Variants in SEC23IP observed in about 807,000 individuals in gnomAD.
The protein encoded by SEC23IP is SEC23 interacting protein.
Under a neutral mutation model 113.4 loss-of-function variants are expected in SEC23IP, and 70 were observed. The ratio of observed to expected loss-of-function variants is 0.62; its 90% CI spans 0.51 to 0.75. The LOEUF (loss-of-function observed/expected upper bound fraction) is 0.75. Ranked by LOEUF, SEC23IP falls within the 30% of genes least tolerant of loss-of-function variation. The probability of loss-of-function intolerance (pLI) is 0.00; values close to 1 mark genes in which losing one functional copy is unlikely to be tolerated. For synonymous variants in SEC23IP, 398 were observed against 421.0 expected, an observed-to-expected ratio of 0.95 and a Z score of 0.67; for missense variants, 1,160 against 1,204.9, an observed-to-expected ratio of 0.96 and a Z score of 0.55.
rs1252952185 is a variant in SEC23IP at position 119,898,844 on chromosome 10, C to T, written c.581C>T (p.Pro194Leu). 6 of 1,613,220 alleles carry T rather than the reference C, an allele frequency of 3.7e-6. No individual in the cohort carries two copies. The South Asian group carries it at 5.5e-5, about 15-fold the overall frequency. ...RHTPGSSRAN[P>L]YIAPPQLQQC... ...ACCCCTGGCAGCAGCAGGGCTAATC[C>T]TTACATTGCACCACCCCAGCTGCAG... The change falls in exon 2 of 19, where the codon CCT (proline) becomes CTT (leucine). Residue 194 changes from proline (P) to leucine (L), a missense_variant. Transcript: ENST00000369075.
chr10:119,932,857 C>T (rs1855652358), intron 16 of SEC23IP, 148 bp from the exon 17 acceptor site: 1 of 637,960 alleles, frequency 1.6e-6, no homozygotes, highest in Non-Finnish European at 2.6e-6. Context: ...CTTCCCCTGG[C>T]TCTTTGGAGG....
At chr10:119,940,121 T>C (rs1855917331) in intron 18 of SEC23IP, among the ~76,000 whole-genome samples, 1 of 152,156 alleles carries the variant, frequency 6.6e-6, no homozygotes, top group Non-Finnish European at 1.5e-5. Flanking sequence ...GAGGACTTGC[T>C]TACAGGCTGT....
At chr10:119,919,864 C>T (rs1855189752) in intron 11 of SEC23IP, among the ~76,000 whole-genome samples, 1 of 152,178 alleles carries the variant, frequency 6.6e-6, no homozygotes, top group African/African-American at 2.4e-5. Context: ...ACATTTGCAA[C>T]ACACATTATA....
intron 13 of SEC23IP, 132 bp downstream of exon 13, chr10:119,926,359 T>C: frequency 1.0e-6 from 1 of 957,370 alleles, no homozygotes. Context: ...GATTTTCTCT[T>C]AGTGAAAATT....
chr10:119,925,079 A>G (rs1855375929), intron 12 of SEC23IP, among the ~76,000 whole-genome samples: 1 of 152,194 alleles, frequency 6.6e-6, no homozygotes, highest in Admixed American at 6.5e-5. Context: ...GCTGAAATGC[A>G]TAGATCTTCA....
intron 18 of SEC23IP, among the ~76,000 whole-genome samples, chr10:119,937,359 C>T (rs1379077683): frequency 4.0e-5 from 6 of 151,844 alleles, no homozygotes; most frequent in Admixed American, 3.9e-4. Context: ...GGCATGATGG[C>T]TCACGCCTGT....
chr10:119,932,883 TG>T, intron 16 of SEC23IP, 121 bp from the exon 17 acceptor site: 1 of 782,258 alleles, frequency 1.3e-6, no homozygotes, highest in South Asian at 1.9e-5. Flanking sequence ...GGAGTGAGCC[TG>T]GTAGCTCCTC....
At chr10:119,910,258 CT>C (rs1333926817) in intron 5 of SEC23IP, among the ~76,000 whole-genome samples, 1 of 152,104 alleles carries the variant, frequency 6.6e-6, no homozygotes, top group Non-Finnish European at 1.5e-5. Flanking sequence ...TGTCCTTTTT[CT>C]TTTTATTTTT....
chr10:119,894,800 T>A (rs1449437807), intron 1 of SEC23IP, among the ~76,000 whole-genome samples: 1 of 152,220 alleles, frequency 6.6e-6, no homozygotes, highest in Non-Finnish European at 1.5e-5. Flanking sequence ...GTTTGGTTTG[T>A]GTGTGTCACT....
chr10:119,911,912 TG>T, intron 5 of SEC23IP, 131 bp from the exon 6 acceptor site: 1 of 1,074,494 alleles, frequency 9.3e-7, no homozygotes, highest in Non-Finnish European at 1.3e-6. Context: ...AAGTTTGTTT[TG>T]GGGGAACAGT....
Position 119,940,851 on chromosome 10 carries a change from G to T in SEC23IP, c.*286G>T, listed in dbSNP as rs2134549505. On this transcript the variant is annotated 3_prime_UTR_variant, in exon 19 of 19. Transcript: ENST00000369075. ...AAAAATTCCACAGATCAGTTTAGTT[G>T]TATAGTTGTCAAAGTTATATGTGAT... 1 of 152,246 alleles carries T rather than the reference G, an allele frequency of 6.6e-6. No individual in the cohort carries two copies. The highest frequency in any genetic ancestry group is 1.5e-5 in the Non-Finnish European group (1 of 68,018). 9.4% of individuals were successfully genotyped at this position (152,246 alleles called of 1,614,324 possible).
intron 17 of SEC23IP, 98 bp downstream of exon 17, chr10:119,933,265 A>G (rs2279940): frequency 0.075 from 70,907 of 949,802 alleles, 4,605 homozygotes; most frequent in South Asian, 0.26. Context: ...GATACAATGT[A>G]CTATGAATAT....
At position 119,892,941 on chromosome 10, in the gene SEC23IP, G is replaced by A. The variant is rs1024080397; in HGVS notation, c.159G>A (p.Pro53=). The A allele has an allele frequency of 7.4e-6, 12 of 1,612,022 alleles. No homozygotes were observed. The African/African-American group carries it at 1.2e-4, about 16-fold the overall frequency. Residue 53 remains proline, a synonymous_variant, in exon 1 of 19, where the codon CCG becomes CCA. Coordinates refer to ENST00000369075, the MANE Select transcript of SEC23IP (RefSeq NM_007190.4). ...CTTCTCCGGCCTCCCTGCTCTTACC[G>A]GGAGGTAATAAGGGGAGGGCGGCCC... ...ASASPASLLL[P]GEDSTDVGEE...
chr10:119,911,296 T>TA (rs1019199359), intron 5 of SEC23IP, among the ~76,000 whole-genome samples: 2 of 150,112 alleles, frequency 1.3e-5, no homozygotes, highest in Admixed American at 1.3e-4. Flanking sequence ...TTATTATTAT[T>TA]TTTTTTTTGT....
intron 18 of SEC23IP, among the ~76,000 whole-genome samples, chr10:119,940,312 A>C (rs1855924552): frequency 6.6e-6 from 1 of 150,548 alleles, no homozygotes; most frequent in Non-Finnish European, 1.5e-5. Context: ...CTCAGCCTCC[A>C]GAGTAGCTGG....
rs900367009 is a variant in SEC23IP at position 119,906,298 on chromosome 10, A to G, written c.1101+2021A>G. 1.1e-3 allele frequency among the ~76,000 whole-genome samples: 173 copies of G among 151,602 alleles called. 1 individual carries two copies. In the East Asian group the frequency reaches 0.03, roughly 26 times the overall value. ...CCTTGTCTCAGAAAAAAAAAAAAAA[A>G]AAAGAAACGGAGCTAAACATTATGT... On this transcript the variant is annotated intron_variant, in intron 4 of 18. Transcript: ENST00000369075.
Position 119,898,943 on chromosome 10 carries a change from C to T in SEC23IP, c.680C>T (p.Pro227Leu). The change falls in exon 2 of 19, where the codon CCA becomes CTA. Residue 227 changes from proline to leucine, a missense_variant. Pro to Leu is a moderately conservative substitution (Grantham distance 98, BLOSUM62 -3). Coordinates refer to ENST00000369075, the MANE Select transcript of SEC23IP (RefSeq NM_007190.4). ...CCTGTTCAGATGTACCAGATGCCTCCAGGATCTTTGCCACCGGTATGGAGA... is the reference window on the plus strand; with the variant it reads ...CCTGTTCAGATGTACCAGATGCCTCTAGGATCTTTGCCACCGGTATGGAGA... Reference protein sequence around the residue: ...GPPVQMYQMPPGSLPPVPSSV... With the variant: ...GPPVQMYQMPLGSLPPVPSSV... 1 of 1,587,516 alleles carries T rather than the reference C, an allele frequency of 6.3e-7. No homozygotes were observed. Among genetic ancestry groups the T allele is most frequent in the Non-Finnish European group, 8.5e-7 (1 of 1,172,990 alleles).
At position 119,909,028 on chromosome 10, in the gene SEC23IP, TC is replaced by T. The variant is rs1854771135; in HGVS notation, c.1102-8del. ...TTGTCATGTTGGAATATATGTTGTT[TC>T]CCCCATTATAGGCTGAATATAAAAA... On this transcript the variant is annotated splice_polypyrimidine_tract_variant and intron_variant, in intron 4 of 18. Coordinates refer to ENST00000369075, the MANE Select transcript of SEC23IP (RefSeq NM_007190.4). 1 of 1,563,402 alleles carries T rather than the reference TC, an allele frequency of 6.4e-7. No homozygotes were observed. Among genetic ancestry groups the T allele is most frequent in the Non-Finnish European group, 8.8e-7 (1 of 1,142,806 alleles).
At chr10:119,919,139 G>A (rs1048793995) in intron 10 of SEC23IP, among the ~76,000 whole-genome samples, 2 of 151,664 alleles carry the variant, frequency 1.3e-5, no homozygotes, top group African/African-American at 2.4e-5. Flanking sequence ...GATTACAGGC[G>A]CCTGCCACCA....
Sources: allele counts gnomAD v4.1 joint callset (sites outside exome capture counted in the v4.1 genomes callset), GRCh38; gene constraint gnomAD v4.1.1; transcripts MANE v1.5; gene names NCBI Gene and HGNC (gene_info 2026-07-23, HGNC 2026-07-21).